Variants in TTF2 observed in about 807,000 individuals in gnomAD.
TTF2 encodes transcription termination factor 2, also known as RNA polymerase II termination factor.
A neutral mutation model predicts 142.4 loss-of-function variants in TTF2; 108 were observed. The ratio of observed to expected loss-of-function variants is 0.76; its 90% CI spans 0.65 to 0.89. The LOEUF (loss-of-function observed/expected upper bound fraction) is 0.89. TTF2 is among the 40% of genes least tolerant of loss of function. The pLI is 0.00. For synonymous variants in TTF2, 483 were observed against 506.2 expected (o/e 0.95, Z 0.61); for missense variants, 1,327 against 1,379.8 (o/e 0.96, Z 0.61).
At position 117,073,908 on chromosome 1, in the gene TTF2, G is replaced by A. The variant is rs148384908; in HGVS notation, c.285+181G>A. The stretch of plus-strand genomic sequence containing the variant: ...CTTTTATTCAAAGGATCATTTAGTC[G>A]TAATCAAGATTAATTATTTGCATCC... On this transcript the variant is annotated intron_variant, in intron 4 of 22. Coordinates refer to ENST00000369466, the MANE Select transcript of TTF2 (RefSeq NM_003594.4). This position sits in a 1 kb window ranked among gnomAD's most constrained non-coding sequence, Gnocchi z 4.4. Among the ~76,000 whole-genome samples, 6 of 152,270 alleles carry A rather than the reference G, an allele frequency of 3.9e-5. No individual in the cohort carries two copies. The highest frequency in any genetic ancestry group is 1.9e-4 in the East Asian group (1 of 5,184).
Position 117,072,422 on chromosome 1 carries a change from C to CTTT in TTF2, c.219-1220_219-1218dup, listed in dbSNP as rs34927356. 5.9e-3 allele frequency among the ~76,000 whole-genome samples: 602 copies of CTTT among 102,012 alleles called. 39 individuals carry two copies. The highest frequency in any genetic ancestry group is 0.015 in the African/African-American group (372 of 24,278). 66.9% of individuals were successfully genotyped at this position (102,012 alleles called of 152,430 possible). On this transcript the variant is annotated intron_variant, in intron 3 of 22. Transcript: ENST00000369466. ...AGTATGTAGCTTTAAAAGATACGGA[C>CTTT]TTTTTTTTTTTTTTTTTTTTTGAGA... is the stretch of plus-strand genomic sequence containing the variant.
At chr1:117,094,722 T>C in intron 18 of TTF2, 1 of 449,580 alleles carries the variant, frequency 2.2e-6, no homozygotes, top group East Asian at 6.6e-5. Flanking sequence ...GAAGTTACTT[T>C]CCTAATATTT....
In TTF2 at chr1:117,104,896, C is replaced by T. The variant is rs1649834829; in HGVS notation, c.*3372C>T. On this transcript the variant is annotated 3_prime_UTR_variant, in exon 23 of 23. Coordinates refer to ENST00000369466, the MANE Select transcript of TTF2 (RefSeq NM_003594.4). ...GTGGCATTCTGGTATCTGTCTCAGC[C>T]TCATATTCATTTTAGTGTAAATCAG... 1 of 152,140 alleles carries T rather than the reference C, an allele frequency of 6.6e-6. No homozygotes were observed. Among genetic ancestry groups the T allele is most frequent in the Admixed American group, 6.5e-5 (1 of 15,268 alleles). 9.4% of individuals were successfully genotyped at this position (152,140 alleles called of 1,614,324 possible).
rs200959530 is a variant in TTF2, at chr1:117,084,184, C to T, written c.2054+16C>T. On this transcript the variant is annotated intron_variant, in intron 11 of 22. Transcript: ENST00000369466. ...GTGCCAGAGTGTAAGTGCAGGAATACGCAGTTGTGGGGGCGTTCAGCACCT... is the reference window on the plus strand; with the variant it reads ...GTGCCAGAGTGTAAGTGCAGGAATATGCAGTTGTGGGGGCGTTCAGCACCT... 1.4e-3 allele frequency: 2,254 copies of T among 1,613,872 alleles called. 1 individual carries two copies. The highest frequency in any genetic ancestry group is 1.7e-3 in the Non-Finnish European group (2,060 of 1,179,904).
chr1:117,082,758 G>C (rs939702180), intron 10 of TTF2, among the ~76,000 whole-genome samples: 3 of 152,094 alleles, frequency 2.0e-5, no homozygotes, highest in Non-Finnish European at 4.4e-5. Flanking sequence ...AGGGAGGAGA[G>C]GCAGGAGAAT....
In TTF2 at chr1:117,101,773, G is replaced by T; in HGVS notation, c.*249G>T. ...GTATGGAAACCAATTGATTTTTTTA[G>T]ATAAAAGAATATGTTTTAGAGTTGG... On this transcript the variant is annotated 3_prime_UTR_variant, in exon 23 of 23. Transcript: ENST00000369466. This position sits in a 1 kb window ranked among gnomAD's most constrained non-coding sequence, Gnocchi z 5.9. 1 of 344,278 alleles carries T rather than the reference G, an allele frequency of 2.9e-6. No individual in the cohort carries two copies. The allele number at this position is 344,278 out of a possible 1,614,324, so 21.3% of individuals were successfully genotyped here. A position where few individuals can be genotyped will look rare whatever the true frequency, so the allele number is the denominator to read the frequency against.
Position 117,100,233 on chromosome 1 carries a change from A to C in TTF2, c.3345-1147A>C, listed in dbSNP as rs769446190. On this transcript the variant is annotated intron_variant, in intron 22 of 22. Coordinates refer to ENST00000369466, the MANE Select transcript of TTF2 (RefSeq NM_003594.4). This position sits in a 1 kb window ranked among gnomAD's most constrained non-coding sequence, Gnocchi z 4.6. ...TTCTGTAGTCATTGTCTTTGTGAAT[A>C]GTATCACTCTTTATCTAATTATCTA... is the stretch of plus-strand genomic sequence containing the variant. Among the ~76,000 whole-genome samples the C allele has an allele frequency of 8.5e-5, 13 of 152,222 alleles. No homozygotes were observed.
Position 117,090,146 on chromosome 1 carries a change from T to G in TTF2, c.2434T>G (p.Leu812Val). 1.2e-6 allele frequency: 2 copies of G among 1,614,184 alleles called. No homozygotes were observed. Among genetic ancestry groups the G allele is most frequent in the Non-Finnish European group, 1.7e-6 (2 of 1,180,006 alleles). ...SKKGGERLSI[L>V]TKSLLLRRTK... The stretch of plus-strand genomic sequence containing the variant: ...GAAAGGAGGAGAACGGTTAAGTATT[T>G]TAACCAAGAGCCTTTTGCTGAGGAG... Residue 812 changes from leucine to valine, a missense_variant, in exon 14 of 23, where the codon TTA (leucine) becomes GTA (valine). Physicochemically the swap from Leu to Val is conservative, Grantham distance 32 (BLOSUM62 1). Coordinates refer to ENST00000369466, the MANE Select transcript of TTF2 (RefSeq NM_003594.4). The surrounding 1 kb of genome is among the most constrained non-coding windows in gnomAD (Gnocchi z 4.8).
At position 117,075,182 on chromosome 1, in the gene TTF2, G is replaced by A. The variant is rs1356840699; in HGVS notation, c.598G>A (p.Ala200Thr). The part of the protein sequence containing the change: ...VVQEKKQEEG[A>T]EIQCEAETGG... ...TCAAGAGAAGAAGCAAGAAGAGGGA[G>A]CAGAGATTCAGTGTGAGGCAGAGAC... Residue 200 changes from alanine (A) to threonine (T), a missense_variant, in exon 5 of 23, where the codon GCA (alanine) becomes ACA (threonine). Physicochemically the swap from Ala to Thr is moderately conservative, Grantham distance 58. Transcript: ENST00000369466. The surrounding 1 kb of genome is among the most constrained non-coding windows in gnomAD (Gnocchi z 4.5). 1.2e-6 allele frequency: 2 copies of A among 1,614,192 alleles called. No homozygotes were observed. Among genetic ancestry groups the A allele is most frequent in the African/African-American group, 2.7e-5 (2 of 75,050 alleles).
chr1:117,083,817 C>T (rs1647760483), intron 10 of TTF2, among the ~76,000 whole-genome samples: 1 of 152,150 alleles, frequency 6.6e-6, no homozygotes, highest in Non-Finnish European at 1.5e-5. Flanking sequence ...GAGGTAATGC[C>T]TTTAAGTTAA....
intron 8 of TTF2, among the ~76,000 whole-genome samples, chr1:117,078,700 G>C (rs1461435277): frequency 6.6e-6 from 1 of 152,196 alleles, no homozygotes; most frequent in African/African-American, 2.4e-5. Context: ...TCAAGAGATA[G>C]TATGGAATCG....
At chr1:117,061,693 A>G (rs1165007675) in intron 2 of TTF2, among the ~76,000 whole-genome samples, 2 of 152,236 alleles carry the variant, frequency 1.3e-5, no homozygotes, top group Admixed American at 1.3e-4. Context: ...ATTTGGTTTT[A>G]CATTAAGAGA....
chr1:117,071,462 T>A (rs971540355), intron 3 of TTF2, among the ~76,000 whole-genome samples: 2 of 152,126 alleles, frequency 1.3e-5, no homozygotes, highest in Admixed American at 6.5e-5. Context: ...GAAGAAAGAA[T>A]GTATATTGAC....
Position 117,079,485 on chromosome 1 carries a change from A to C in TTF2, c.1702-83A>C. ...GAGGGAATCATTTGTAGAAAATAGG[A>C]GAGTGTAGAGTTCGTGTAGCCAGGC... On this transcript the variant is annotated intron_variant, in intron 8 of 22. Coordinates refer to ENST00000369466, the MANE Select transcript of TTF2 (RefSeq NM_003594.4). This position sits in a 1 kb window ranked among gnomAD's most constrained non-coding sequence, Gnocchi z 4.2. The C allele has an allele frequency of 2.4e-6, 3 of 1,248,224 alleles. No individual in the cohort carries two copies. In the South Asian group the frequency reaches 3.6e-5, roughly 15 times the overall value. 77.3% of individuals were successfully genotyped at this position (1,248,224 alleles called of 1,614,324 possible). A position where few individuals can be genotyped will look rare whatever the true frequency, so the allele number is the denominator to read the frequency against.
intron 11 of TTF2, among the ~76,000 whole-genome samples, chr1:117,084,747 TA>T (rs1222853963): frequency 6.6e-6 from 1 of 152,210 alleles, no homozygotes; most frequent in African/African-American, 2.4e-5. Flanking sequence ...CTTTTGGTTT[TA>T]AAGGAATTGT....
rs1656893055 is a variant in TTF2, at chr1:117,075,220, CAA to C, written c.639_640del (p.Asp215LeufsTer3). The part of the protein sequence containing the change: ...QCEAETGGTH[K>X]RDFSEIKSQQ... ...GTGAGGCAGAGACTGGAGGCACACA[CAA>C]AAGAGACTTTTCTGAAATTAAATCT... On this transcript the variant is annotated frameshift_variant, in exon 5 of 23. Transcript: ENST00000369466. LOFTEE classifies it high-confidence loss of function. The surrounding 1 kb of genome is among the most constrained non-coding windows in gnomAD (Gnocchi z 4.5). 1 of 1,614,042 alleles carries C rather than the reference CAA, an allele frequency of 6.2e-7. No individual in the cohort carries two copies. The highest frequency in any genetic ancestry group is 1.7e-5 in the Admixed American group (1 of 59,996).
In TTF2 at chr1:117,074,431, G is replaced by A. The variant is rs186554587; in HGVS notation, c.286-439G>A. On this transcript the variant is annotated intron_variant, in intron 4 of 22. Coordinates refer to ENST00000369466, the MANE Select transcript of TTF2 (RefSeq NM_003594.4). ...ATGGACAGAGAAGGAACCAAGCTTC[G>A]AAAGTATCGTGAAGAAATGAGTCCT... 8.3e-4 allele frequency among the ~76,000 whole-genome samples: 127 copies of A among 152,218 alleles called. 2 individuals carry two copies. The highest frequency in any genetic ancestry group is 8.2e-3 in the Admixed American group (126 of 15,286).
In TTF2 at chr1:117,087,483, G is replaced by A. The variant is rs1037420071; in HGVS notation, c.2160+961G>A. Among the ~76,000 whole-genome samples, 1 of 152,194 alleles carries A rather than the reference G, an allele frequency of 6.6e-6. No homozygotes were observed. Among genetic ancestry groups the A allele is most frequent in the Non-Finnish European group, 1.5e-5 (1 of 68,036 alleles). ...ATTTTTTGTATTTTTAGTAGAGATG[G>A]GGTTTCGCCATGTTGGCCAGGCTGG... On this transcript the variant is annotated intron_variant, in intron 12 of 22. Coordinates refer to ENST00000369466, the MANE Select transcript of TTF2 (RefSeq NM_003594.4). This position sits in a 1 kb window ranked among gnomAD's most constrained non-coding sequence, Gnocchi z 4.8.
At position 117,075,485 on chromosome 1, in the gene TTF2, A is replaced by C; in HGVS notation, c.901A>C (p.Ile301Leu). 1 of 1,614,180 alleles carries C rather than the reference A, an allele frequency of 6.2e-7. No homozygotes were observed. Among genetic ancestry groups the C allele is most frequent in the Non-Finnish European group, 8.5e-7 (1 of 1,180,006 alleles). ...AACAAAGGCAAAGGATGGCCCTAGC[A>C]TACAGGCCACCCAGAAAAGCCTGCC... ...KETKAKDGPS[I>L]QATQKSLPQG... is the part of the protein sequence containing the mutation. Residue 301 changes from isoleucine (I) to leucine (L), a missense_variant, in exon 5 of 23, where the codon ATA becomes CTA. By Grantham distance (5) the Ile-to-Leu change is conservative. Transcript: ENST00000369466. This position sits in a 1 kb window ranked among gnomAD's most constrained non-coding sequence, Gnocchi z 4.5.
Sources: gnomAD v4.1 joint callset for allele counts (sites outside exome capture counted in the v4.1 genomes callset) on GRCh38, gnomAD v4.1.1 for gene constraint, Gnocchi (gnomAD v3.1) non-coding constraint, MANE v1.5 for transcripts, NCBI Gene and HGNC (gene_info 2026-07-23, HGNC 2026-07-21) for gene names.